POLA1: variants seen among roughly 807,000 people sequenced by gnomAD.
POLA1 encodes the protein DNA polymerase alpha catalytic subunit.
POLA1 carries 15 observed loss-of-function variants against 124.0 expected under a neutral mutation model. The observed-to-expected ratio is 0.12, with a 90% CI of 0.08 to 0.19. POLA1 has a LOEUF of 0.19. Ranked by LOEUF, POLA1 falls within the 10% of genes least tolerant of loss-of-function variation. POLA1 has a pLI of 1.00. For missense variants in POLA1, 886 were observed against 1,103.4 expected (o/e 0.80, Z 2.79); for synonymous variants, 408 against 389.4 (o/e 1.05, Z -0.56).
intron 34 of POLA1, among the ~76,000 whole-genome samples, chrX:24,851,372 C>T (rs2046558842): frequency 8.9e-6 from 1 of 112,668 alleles, no homozygotes; most frequent in Admixed American, 9.3e-5. Context: ...GACCCTAGTC[C>T]GGTATCCTGC....
chrX:24,737,515 T>C (rs979684238), intron 18 of POLA1, 110 bp from the exon 19 acceptor site: 2 of 486,994 alleles, frequency 4.1e-6, no homozygotes, highest in African/African-American at 4.9e-5. Context: ...CATGATGTCT[T>C]CAATTAGAGA....
intron 36 of POLA1, among the ~76,000 whole-genome samples, chrX:24,961,258 C>A (rs2048165100): frequency 9.0e-6 from 1 of 111,461 alleles, no homozygotes; most frequent in African/African-American, 3.3e-5. Flanking sequence ...GGATGGCGTC[C>A]CTTTGGTGTC....
intron 34 of POLA1, among the ~76,000 whole-genome samples, chrX:24,850,653 G>C (rs2147078483): frequency 9.0e-6 from 1 of 111,474 alleles, no homozygotes; most frequent in East Asian, 2.8e-4. Context: ...GAATATTGTT[G>C]CCTATTGAGG....
At chrX:24,801,970 T>TGTGTGTGTGTGA (rs1339175196) in intron 26 of POLA1, among the ~76,000 whole-genome samples, 13 of 106,065 alleles carry the variant, frequency 1.2e-4, no homozygotes, top group South Asian at 8.8e-4. Flanking sequence ...TGTGTGTGTG[T>TGTGTGTGTGTGA]GACATTTATT....
intron 36 of POLA1, among the ~76,000 whole-genome samples, chrX:24,962,735 A>G (rs778884471): frequency 8.9e-6 from 1 of 111,955 alleles, no homozygotes; most frequent in Non-Finnish European, 1.9e-5. Flanking sequence ...CTGCAGATTC[A>G]TAGGACTGTT....
At chrX:24,801,920 GGTGGGTGTGTGT>G (rs1224811794) in intron 26 of POLA1, among the ~76,000 whole-genome samples, 12 of 47,512 alleles carry the variant, frequency 2.5e-4, no homozygotes, top group South Asian at 1.2e-3. Context: ...AGGAGAGGTG[GGTGGGTGTGTGT>G]GTGTGTGTGT....
At chrX:24,882,779 C>T (rs2047019841) in intron 34 of POLA1, among the ~76,000 whole-genome samples, 1 of 101,775 alleles carries the variant, frequency 9.8e-6, no homozygotes, top group Non-Finnish European at 2.0e-5. Flanking sequence ...AGGTTGATTC[C>T]ATGTCTATCA....
chrX:24,857,694 C>T (rs952765546), intron 34 of POLA1, among the ~76,000 whole-genome samples: 3 of 111,798 alleles, frequency 2.7e-5, no homozygotes, highest in East Asian at 5.6e-4. Flanking sequence ...AAATATTCTA[C>T]ATAAATGCAT....
chrX:24,735,527 AT>A, intron 18 of POLA1, 39 bp downstream of exon 18: 1 of 792,395 alleles, frequency 1.3e-6, no homozygotes, highest in Non-Finnish European at 1.9e-6. Flanking sequence ...GAAGCTCTTC[AT>A]TTCTTAGTTC....
chrX:24,846,064 T>C (rs921494246), intron 34 of POLA1, among the ~76,000 whole-genome samples: 1 of 112,242 alleles, frequency 8.9e-6, no homozygotes, highest in African/African-American at 3.2e-5. Context: ...AAAGTATACT[T>C]CTAAATCACT....
intron 34 of POLA1, among the ~76,000 whole-genome samples, chrX:24,872,920 T>G (rs1239809829): frequency 9.0e-6 from 1 of 111,360 alleles, no homozygotes; most frequent in African/African-American, 3.3e-5. Context: ...CAGCACAATT[T>G]CAGAGTAAGG....
chrX:24,906,657 C>T (rs1263165379), intron 35 of POLA1, among the ~76,000 whole-genome samples: 1 of 110,394 alleles, frequency 9.1e-6, no homozygotes, highest in Non-Finnish European at 1.9e-5. Context: ...ACCACCTGTA[C>T]CCCCAAAAAC....
At chrX:24,758,882 A>G (rs1259303615) in intron 26 of POLA1, among the ~76,000 whole-genome samples, 2 of 110,783 alleles carry the variant, frequency 1.8e-5, no homozygotes, top group Admixed American at 9.6e-5. Context: ...AAGTTTCACT[A>G]TGTTAGCCAG....
chrX:24,788,314 A>T (rs779740832), intron 26 of POLA1: 6 of 986,811 alleles, frequency 6.1e-6, no homozygotes, highest in Admixed American at 7.2e-5. Flanking sequence ...CAAGATAAGG[A>T]TGCCCACTTT....
intron 35 of POLA1, among the ~76,000 whole-genome samples, chrX:24,902,613 C>G (rs756844901): frequency 8.9e-6 from 1 of 112,008 alleles, no homozygotes; most frequent in African/African-American, 3.2e-5. Context: ...GCTCCATACT[C>G]TGTTCCTTGT....
intron 36 of POLA1, among the ~76,000 whole-genome samples, chrX:24,949,778 A>G (rs2048011547): frequency 1.0e-5 from 1 of 100,482 alleles, no homozygotes; most frequent in Non-Finnish European, 2.0e-5. Context: ...TCTTTTGCCT[A>G]AGCTGGAGTG....
chrX:24,971,075 A>G (rs904305133), intron 36 of POLA1, among the ~76,000 whole-genome samples: 2 of 112,724 alleles, frequency 1.8e-5, no homozygotes, highest in African/African-American at 6.4e-5. Context: ...TAAATAAAAC[A>G]CAGATGTATA....
chrX:24,949,571 AAAAG>A (rs1200759871), intron 36 of POLA1, among the ~76,000 whole-genome samples: 4 of 107,713 alleles, frequency 3.7e-5, no homozygotes, highest in Non-Finnish European at 7.7e-5. Flanking sequence ...TAAAAAAAGA[AAAAG>A]AAGCCATGAA....
At chrX:24,812,885 GCTTTT>G in intron 29 of POLA1, 22 bp downstream of exon 29, 1 of 1,058,949 alleles carries the variant, frequency 9.4e-7, no homozygotes, top group Non-Finnish European at 1.3e-6. Flanking sequence ...TTTCAGTTTT[GCTTTT>G]CTTGTTTGTC....
Sources: allele counts gnomAD v4.1 joint callset (sites outside exome capture counted in the v4.1 genomes callset), GRCh38; gene constraint gnomAD v4.1.1; transcripts MANE v1.5; gene names NCBI Gene and HGNC (gene_info 2026-07-23, HGNC 2026-07-21).